The following SLC25A26 variants were observed in gnomAD, a reference collection of about 807,000 sequenced individuals.
The protein encoded by SLC25A26 is mitochondrial S-adenosylmethionine carrier protein.
In SLC25A26, 36 loss-of-function variants were observed where a neutral mutation model predicts 37.8. That is an observed-to-expected ratio of 0.95 (90% confidence interval 0.73 to 1.26). The LOEUF (loss-of-function observed/expected upper bound fraction) is 1.26, where lower values mean the gene tolerates loss of function less well. SLC25A26 is among the 50% of genes most tolerant of loss of function. The pLI, the probability that SLC25A26 is intolerant of heterozygous loss-of-function variation, is 0.00. For missense variants in SLC25A26, 390 were observed against 331.1 expected, an observed-to-expected ratio of 1.18 and a Z score of -1.38; for synonymous variants, 129 against 122.5, an observed-to-expected ratio of 1.05 and a Z score of -0.35.
At chr3:66,158,637 G>A (rs2070316235) in intron 1 of SLC25A26, among the ~76,000 whole-genome samples, 2 of 152,108 alleles carry the variant, frequency 1.3e-5, no homozygotes, top group African/African-American at 4.8e-5. Flanking sequence ...TTTTGGTTAT[G>A]GGCTGGTTAT....
rs1487667535 is a variant in SLC25A26, at chr3:66,350,667, G to GT, written c.498+4265dup. 8.6e-5 allele frequency among the ~76,000 whole-genome samples: 13 copies of GT among 151,804 alleles called. No individual in the cohort carries two copies. The East Asian group carries it at 2.6e-3, about 30-fold the overall frequency. ...TTTCTCAACACCCTGTCCTTGACTG[G>GT]TTTTTTCAGCTTCTGCCCTATACTC... On this transcript the variant is annotated intron_variant, in intron 6 of 9. Transcript: ENST00000354883.
intron 5 of SLC25A26, among the ~76,000 whole-genome samples, chr3:66,270,534 T>A (rs557706125): frequency 1.3e-5 from 2 of 152,208 alleles, no homozygotes; most frequent in Non-Finnish European, 2.9e-5. Flanking sequence ...TTTCAGTAAA[T>A]GTGTAATGAG....
intron 1 of SLC25A26, among the ~76,000 whole-genome samples, chr3:66,206,915 T>TA (rs2071187083): frequency 6.8e-6 from 1 of 146,132 alleles, no homozygotes; most frequent in African/African-American, 2.6e-5. Flanking sequence ...TTTTTTTTTT[T>TA]AACACGGAGT....
intron 1 of SLC25A26, among the ~76,000 whole-genome samples, chr3:66,223,500 A>G (rs142259135): frequency 0.82 from 124,984 of 152,166 alleles, 52,242 homozygotes; most frequent in Middle Eastern, 0.92. Context: ...GTAGTACGGA[A>G]ATGGAGTGGC....
intron 5 of SLC25A26, among the ~76,000 whole-genome samples, chr3:66,273,346 G>T (rs1354968262): frequency 6.6e-6 from 1 of 152,092 alleles, no homozygotes; most frequent in Non-Finnish European, 1.5e-5. Flanking sequence ...CTATTGATTG[G>T]AATAGTTTCA....
intron 5 of SLC25A26, among the ~76,000 whole-genome samples, chr3:66,291,117 A>G (rs1429942994): frequency 1.3e-5 from 2 of 152,100 alleles, no homozygotes; most frequent in Non-Finnish European, 2.9e-5. Flanking sequence ...TGTTTATAGT[A>G]TTCTCTGATA....
intron 1 of SLC25A26, among the ~76,000 whole-genome samples, chr3:66,187,700 C>CAT (rs2070856529): frequency 6.6e-6 from 1 of 151,730 alleles, no homozygotes; most frequent in Non-Finnish European, 1.5e-5. Flanking sequence ...TGACCCTGAC[C>CAT]ATAACCCCTA....
intron 1 of SLC25A26, among the ~76,000 whole-genome samples, chr3:66,235,789 A>T (rs1483260613): frequency 6.6e-6 from 1 of 152,234 alleles, no homozygotes; most frequent in Non-Finnish European, 1.5e-5. Flanking sequence ...TATATGTTTA[A>T]AGTAACTTTG....
intron 1 of SLC25A26, among the ~76,000 whole-genome samples, chr3:66,226,647 G>T (rs2071768967): frequency 6.6e-6 from 1 of 152,090 alleles, no homozygotes; most frequent in African/African-American, 2.4e-5. Flanking sequence ...TTGTTTTGTA[G>T]AGACAGGGTC....
At chr3:66,296,049 G>A (rs1445664680) in intron 5 of SLC25A26, among the ~76,000 whole-genome samples, 3 of 151,974 alleles carry the variant, frequency 2.0e-5, no homozygotes, top group African/African-American at 2.4e-5. Context: ...CCCGGGAGGC[G>A]GAGGTTGCAA....
At chr3:66,220,289 C>G (rs1553657778), upstream of SLC25A26, among the ~76,000 whole-genome samples, 1 of 152,180 alleles carries the variant, frequency 6.6e-6, no homozygotes, top group African/African-American at 2.4e-5. Context: ...TCACTTAGCA[C>G]CACGTCTGAG....
chr3:66,253,136 A>G (rs1001041939), intron 3 of SLC25A26, among the ~76,000 whole-genome samples: 3 of 149,910 alleles, frequency 2.0e-5, no homozygotes, highest in Non-Finnish European at 4.4e-5. Flanking sequence ...GGCCGGGCGC[A>G]GTGGCTCATG....
At chr3:66,345,604 C>T (rs2076303216) in intron 5 of SLC25A26, among the ~76,000 whole-genome samples, 1 of 151,228 alleles carries the variant, frequency 6.6e-6, no homozygotes, top group Non-Finnish European at 1.5e-5. Flanking sequence ...TCCTTTCTCT[C>T]TCCCCTTCTC....
In SLC25A26 at chr3:66,340,350, TG is replaced by T. The variant is rs1370988997; in HGVS notation, c.454-6013del. Among the ~76,000 whole-genome samples the T allele has an allele frequency of 7.2e-5, 11 of 152,264 alleles. No individual in the cohort carries two copies. The East Asian group carries it at 1.7e-3, about 24-fold the overall frequency. On this transcript the variant is annotated intron_variant, in intron 5 of 9. Transcript: ENST00000354883. ...GGTGGATTTTGGATTTTTCTATTTGTGCAGAATATTCCACTGGGATTTTTCT... is the reference window on the plus strand; with the variant it reads ...GGTGGATTTTGGATTTTTCTATTTGTCAGAATATTCCACTGGGATTTTTCT...
chr3:66,365,937 C>A (rs563448163), intron 7 of SLC25A26, among the ~76,000 whole-genome samples: 239 of 152,232 alleles, frequency 1.6e-3, no homozygotes, highest in Non-Finnish European at 2.7e-3. Context: ...CCACTGCTGC[C>A]CCCACATTCT....
chr3:66,170,039 A>T (rs2070474066), intron 1 of SLC25A26, among the ~76,000 whole-genome samples: 1 of 152,162 alleles, frequency 6.6e-6, no homozygotes, highest in African/African-American at 2.4e-5. Flanking sequence ...AAAATCACAC[A>T]CTTGGGCAAC....
chr3:66,263,484 T>A, intron 5 of SLC25A26, 105 bp downstream of exon 5: 2 of 756,904 alleles, frequency 2.6e-6, no homozygotes, highest in African/African-American at 1.8e-5. Flanking sequence ...AAACTTGGTT[T>A]AAAAAATCAA....
chr3:66,270,035 C>T (rs1158484734), intron 5 of SLC25A26, among the ~76,000 whole-genome samples: 1 of 152,082 alleles, frequency 6.6e-6, no homozygotes, highest in Non-Finnish European at 1.5e-5. Context: ...CAGATGCTGC[C>T]TGACGTCATG....
At chr3:66,280,407 C>G (rs763383993) in intron 5 of SLC25A26, among the ~76,000 whole-genome samples, 11 of 152,160 alleles carry the variant, frequency 7.2e-5, no homozygotes, top group African/African-American at 2.7e-4. Flanking sequence ...TCATGATTCC[C>G]AGTCAATCTG....
Sources: allele counts gnomAD v4.1 joint callset (sites outside exome capture counted in the v4.1 genomes callset), GRCh38; gene constraint gnomAD v4.1.1; transcripts MANE v1.5; gene names NCBI Gene and HGNC (gene_info 2026-07-23, HGNC 2026-07-21).